Variants in GNG4 observed in about 807,000 individuals in gnomAD.
The protein encoded by GNG4 is guanine nucleotide-binding protein G(I)/G(S)/G(O) subunit gamma-4.
A neutral mutation model predicts 5.8 loss-of-function variants in GNG4; 4 were observed. That is an observed-to-expected ratio of 0.69 (90% CI 0.34 to 1.57). GNG4 has a LOEUF of 1.57. Ranked by LOEUF, GNG4 falls within the 40% of genes most tolerant of loss-of-function variation. The pLI, the probability that GNG4 is intolerant of heterozygous loss-of-function variation, is 0.06. For synonymous variants in GNG4, 29 were observed against 32.9 expected, an observed-to-expected ratio of 0.88 and a Z score of 0.41; for missense variants, 96 against 95.1, an observed-to-expected ratio of 1.01 and a Z score of -0.04.
chr1:235,624,622 A>T (rs553457312), intron 1 of GNG4, among the ~76,000 whole-genome samples: 1 of 152,288 alleles, frequency 6.6e-6, no homozygotes, highest in South Asian at 2.1e-4. Context: ...TCATTTTTAC[A>T]TTCCTGAAGA....
intron 2 of GNG4, among the ~76,000 whole-genome samples, chr1:235,593,497 C>T (rs981444553): frequency 6.6e-6 from 1 of 152,210 alleles, no homozygotes; most frequent in African/African-American, 2.4e-5. Context: ...GCCGGCCTTC[C>T]GGACAATGCC....
chr1:235,628,518 AC>A (rs1688867776), intron 1 of GNG4, among the ~76,000 whole-genome samples: 2 of 151,950 alleles, frequency 1.3e-5, no homozygotes, highest in Non-Finnish European at 2.9e-5. Flanking sequence ...CCCAGGCAGG[AC>A]CCAAGACCAC....
intron 1 of GNG4, among the ~76,000 whole-genome samples, chr1:235,647,128 T>C (rs977322848): frequency 2.0e-5 from 3 of 152,180 alleles, no homozygotes; most frequent in African/African-American, 7.2e-5. Flanking sequence ...TATGTAGTAC[T>C]TATACCTCTA....
At position 235,583,738 on chromosome 1, in the gene GNG4, ACCTTGAC is replaced by A. The variant is rs1321816422; in HGVS notation, c.94_99+1del. The A allele has an allele frequency of 6.3e-7, 1 of 1,598,650 alleles. No homozygotes were observed. The highest frequency in any genetic ancestry group is 8.6e-7 in the Non-Finnish European group (1 of 1,166,204). On this transcript the variant is annotated splice_donor_variant and coding_sequence_variant, in exon 3 of 4. Transcript: ENST00000391854. LOFTEE classifies it high-confidence loss of function. ...GGGTGGGGCTGACGCATGCATGCTTACCTTGACCCTGTCCATACAGGCTTCCATCTTT... is the reference window on the plus strand; with the variant it reads ...GGGTGGGGCTGACGCATGCATGCTTACCTGTCCATACAGGCTTCCATCTTT...
At chr1:235,621,601 A>AGTT (rs1688712874) in intron 1 of GNG4, among the ~76,000 whole-genome samples, 1 of 151,848 alleles carries the variant, frequency 6.6e-6, no homozygotes, top group Non-Finnish European at 1.5e-5. Flanking sequence ...GGCAAAAAAA[A>AGTT]GTTGTCCGAT....
In GNG4 at chr1:235,550,826, C is replaced by T. The variant is rs1686726176; in HGVS notation, c.*1283G>A. 1 of 152,056 alleles carries T rather than the reference C, an allele frequency of 6.6e-6. No homozygotes were observed. Among genetic ancestry groups the T allele is most frequent in the African/African-American group, 2.4e-5 (1 of 41,396 alleles). 9.4% of individuals were successfully genotyped at this position (152,056 alleles called of 1,614,324 possible). A position where few individuals can be genotyped will look rare whatever the true frequency, so the allele number is the denominator to read the frequency against. ...AAAAAGATAAATAAATAAAATAAAA[C>T]AGACATGCACTTATGGTATTTATTG... On this transcript the variant is annotated 3_prime_UTR_variant, in exon 4 of 4. Coordinates refer to ENST00000391854, the MANE Select transcript of GNG4 (RefSeq NM_001098722.2).
intron 1 of GNG4, among the ~76,000 whole-genome samples, chr1:235,600,100 CTTTTTTTTTTTTTT>C (rs533853180): frequency 2.3e-3 from 101 of 43,144 alleles, no homozygotes; most frequent in African/African-American, 0.01. Context: ...CGGAAGAAAG[CTTTTTTTTTTTTTT>C]TTTTTTTTTT....
At chr1:235,553,912 T>C (rs1686825014) in intron 3 of GNG4, among the ~76,000 whole-genome samples, 1 of 152,218 alleles carries the variant, frequency 6.6e-6, no homozygotes, top group South Asian at 2.1e-4. Context: ...AAGACGTCTA[T>C]GATTCTACCT....
chr1:235,595,897 G>A (rs929526634), intron 1 of GNG4, among the ~76,000 whole-genome samples: 19 of 144,688 alleles, frequency 1.3e-4, no homozygotes, highest in Middle Eastern at 3.7e-3. Context: ...ACTTGGGGCC[G>A]GGCGCGGTGG....
chr1:235,627,214 TG>T (rs546429552), intron 1 of GNG4, among the ~76,000 whole-genome samples: 131 of 151,956 alleles, frequency 8.6e-4, no homozygotes, highest in African/African-American at 3.1e-3. Context: ...CATAGTTTTT[TG>T]TTTGTTTGTT....
intron 3 of GNG4, among the ~76,000 whole-genome samples, chr1:235,572,896 T>A (rs574018757): frequency 6.6e-6 from 1 of 152,292 alleles, no homozygotes; most frequent in South Asian, 2.1e-4. Flanking sequence ...ACAGTATATA[T>A]CTCTCTTTTG....
rs571652631 is a variant in GNG4, at chr1:235,644,109, G to T, written c.-123+5553C>A. Reference sequence around the variant, plus strand: ...TGAAACGCCAAACTCCTACTGAAAGGTTGATGGGTACAGCCTTCCAGAGAC... The same window carrying T: ...TGAAACGCCAAACTCCTACTGAAAGTTTGATGGGTACAGCCTTCCAGAGAC... On this transcript the variant is annotated intron_variant, in intron 1 of 3. Transcript: ENST00000391854. The surrounding 1 kb of genome is among the most constrained non-coding windows in gnomAD (Gnocchi z 5.9). 6.6e-6 allele frequency among the ~76,000 whole-genome samples: 1 copy of T among 152,188 alleles called. No homozygotes were observed. Among genetic ancestry groups the T allele is most frequent in the Non-Finnish European group, 1.5e-5 (1 of 68,022 alleles).
chr1:235,562,581 G>A (rs1001041174), intron 3 of GNG4, among the ~76,000 whole-genome samples: 1 of 149,044 alleles, frequency 6.7e-6, no homozygotes, highest in Non-Finnish European at 1.5e-5. Context: ...GGAGGCAGAG[G>A]TTGCAGAGAG....
chr1:235,613,553 G>A (rs1421577364), intron 1 of GNG4, among the ~76,000 whole-genome samples: 1 of 152,048 alleles, frequency 6.6e-6, no homozygotes, highest in East Asian at 1.9e-4. Context: ...GAGAGATGAA[G>A]ATGCTACACT....
chr1:235,625,607 C>T (rs1215087303), intron 1 of GNG4, among the ~76,000 whole-genome samples: 4 of 152,028 alleles, frequency 2.6e-5, no homozygotes, highest in African/African-American at 9.7e-5. Context: ...GGAGGTGCCT[C>T]CACCACAGCA....
intron 3 of GNG4, among the ~76,000 whole-genome samples, chr1:235,561,444 G>A (rs1334562534): frequency 6.6e-6 from 1 of 151,390 alleles, no homozygotes; most frequent in African/African-American, 2.4e-5. Flanking sequence ...GACGAGTCTT[G>A]CTCTGCCACC....
At position 235,648,407 on chromosome 1, in the gene GNG4, T is replaced by G. The variant is rs1381543466; in HGVS notation, c.-123+1255A>C. ...TCCAGTTTATAGGTCCTCTGTCTGTTTCTCCGGGCTGGAAAAGGCTTTCCA... is the reference window on the plus strand; with the variant it reads ...TCCAGTTTATAGGTCCTCTGTCTGTGTCTCCGGGCTGGAAAAGGCTTTCCA... On this transcript the variant is annotated intron_variant, in intron 1 of 3. Transcript: ENST00000391854. This position sits in a 1 kb window ranked among gnomAD's most constrained non-coding sequence, Gnocchi z 5.0. Among the ~76,000 whole-genome samples the G allele has an allele frequency of 6.6e-6, 1 of 152,238 alleles. No homozygotes were observed. Among genetic ancestry groups the G allele is most frequent in the Admixed American group, 6.5e-5 (1 of 15,286 alleles).
intron 1 of GNG4, among the ~76,000 whole-genome samples, chr1:235,645,970 C>T (rs1316250226): frequency 1.3e-5 from 2 of 152,164 alleles, no homozygotes; most frequent in African/African-American, 4.8e-5. Context: ...GGTCCAGGCA[C>T]TGATGAGAAA....
intron 2 of GNG4, among the ~76,000 whole-genome samples, chr1:235,587,836 G>A (rs2102947947): frequency 6.6e-6 from 1 of 150,904 alleles, no homozygotes; most frequent in South Asian, 2.1e-4. Flanking sequence ...GAGCATGCGG[G>A]GTGAACGTGT....
Sources: gnomAD v4.1 joint callset for allele counts (sites outside exome capture counted in the v4.1 genomes callset) on GRCh38, gnomAD v4.1.1 for gene constraint, Gnocchi (gnomAD v3.1) non-coding constraint, MANE v1.5 for transcripts, NCBI Gene and HGNC (gene_info 2026-07-23, HGNC 2026-07-21) for gene names.